The following FAM120B variants were observed in gnomAD, a reference collection of about 807,000 sequenced individuals.
FAM120B encodes family with sequence similarity 120 member B.
A neutral mutation model predicts 96.3 loss-of-function variants in FAM120B; 83 were observed. The observed-to-expected ratio is 0.86, with a 90% CI of 0.72 to 1.03. The LOEUF (loss-of-function observed/expected upper bound fraction) is 1.03, where lower values mean the gene tolerates loss of function less well. Among genes scored for constraint, FAM120B ranks in the 50% least tolerant of loss-of-function variants. The pLI is 0.00. For missense variants in FAM120B, 1,027 were observed against 1,121.2 expected (o/e 0.92, Z 1.20); for synonymous variants, 407 against 402.7 (o/e 1.01, Z -0.13).
intron 9 of FAM120B, among the ~76,000 whole-genome samples, chr6:170,399,707 A>G (rs1374136935): frequency 6.7e-6 from 1 of 148,276 alleles, no homozygotes. Flanking sequence ...AACTCTTAGA[A>G]GTGAGTGGGA....
In FAM120B at chr6:170,318,071, C is replaced by A. The variant is rs750271468; in HGVS notation, c.681C>A (p.Cys227Ter). Residue 227 changes from cysteine to a stop codon, truncating the protein, a stop_gained, in exon 2 of 11, where the codon TGC becomes TGA. Transcript: ENST00000476287. LOFTEE classifies it high-confidence loss of function. ...LCVADLPLLA[C>*]LLGNDIIPEG... is the part of the protein sequence containing the mutation. ...TGGCCGACCTTCCTCTTCTGGCCTG[C>A]CTCCTTGGCAACGACATAATCCCAG... 6.2e-7 allele frequency: 1 copy of A among 1,614,196 alleles called. No homozygotes were observed. The highest frequency in any genetic ancestry group is 8.5e-7 in the Non-Finnish European group (1 of 1,180,038).
At chr6:170,348,381 G>C (rs113144147) in intron 5 of FAM120B, 58 bp downstream of exon 5, 2 of 1,505,676 alleles carry the variant, frequency 1.3e-6, no homozygotes, top group African/African-American at 2.8e-5. Flanking sequence ...ATGAGAGGGA[G>C]CATGTGGGAT....
At chr6:170,404,025 G>A (rs1035334737) in intron 9 of FAM120B, among the ~76,000 whole-genome samples, 1 of 152,174 alleles carries the variant, frequency 6.6e-6, no homozygotes, top group Non-Finnish European at 1.5e-5. Flanking sequence ...ACTCAGAGCA[G>A]GGAACTCTGG....
chr6:170,362,138 C>T (rs1256695587), intron 6 of FAM120B, among the ~76,000 whole-genome samples: 1 of 152,158 alleles, frequency 6.6e-6, no homozygotes, highest in Non-Finnish European at 1.5e-5. Flanking sequence ...AAGCAATAGG[C>T]TGAATTATAT....
upstream of FAM120B, among the ~76,000 whole-genome samples, chr6:170,294,812 G>C (rs1384628015): frequency 6.6e-6 from 1 of 152,190 alleles, no homozygotes; most frequent in East Asian, 1.9e-4. The surrounding 1 kb of genome is among the most constrained non-coding windows in gnomAD (Gnocchi z 7.9). Context: ...CAAGTCTGGA[G>C]ACTTGAGTGG....
At chr6:170,403,784 A>G (rs947259208) in intron 9 of FAM120B, among the ~76,000 whole-genome samples, 2 of 152,246 alleles carry the variant, frequency 1.3e-5, no homozygotes, top group Admixed American at 6.5e-5. Flanking sequence ...GAGGCCTGCC[A>G]TAAAACTGCT....
rs564219172 is a variant in FAM120B at position 170,405,731 on chromosome 6, C to T, written c.*980C>T. ...TTTCTGGTGGAAGAGTTAATTCTGCCTGGAGGGTTCTGCCTGGGAGACATG... is the reference window on the plus strand; with the variant it reads ...TTTCTGGTGGAAGAGTTAATTCTGCTTGGAGGGTTCTGCCTGGGAGACATG... On this transcript the variant is annotated 3_prime_UTR_variant, in exon 11 of 11. Transcript: ENST00000476287. 2 of 152,284 alleles carry T rather than the reference C, an allele frequency of 1.3e-5. No individual in the cohort carries two copies. Among genetic ancestry groups the T allele is most frequent in the South Asian group, 2.1e-4 (1 of 4,826 alleles). 9.4% of individuals were successfully genotyped at this position (152,284 alleles called of 1,614,324 possible).
chr6:170,332,479 C>T (rs1261479004), intron 4 of FAM120B, among the ~76,000 whole-genome samples: 2 of 152,190 alleles, frequency 1.3e-5, no homozygotes, highest in African/African-American at 2.4e-5. Flanking sequence ...AGATGGGTCA[C>T]CTGAGATCAG....
intron 6 of FAM120B, among the ~76,000 whole-genome samples, chr6:170,380,817 T>C (rs1474319509): frequency 6.6e-6 from 1 of 152,210 alleles, no homozygotes; most frequent in East Asian, 1.9e-4. Flanking sequence ...TTTACTTCAT[T>C]GGTCACTTTG....
rs528313814 is a variant in FAM120B at position 170,369,724 on chromosome 6, G to A, written c.2283+11406G>A. 3.5e-5 allele frequency among the ~76,000 whole-genome samples: 5 copies of A among 143,592 alleles called. No individual in the cohort carries two copies. In the South Asian group the frequency reaches 6.7e-4, roughly 19 times the overall value. The allele number at this position is 143,592 out of a possible 152,430, so 94.2% of individuals were successfully genotyped here. A position where few individuals can be genotyped will look rare whatever the true frequency, so the allele number is the denominator to read the frequency against. On this transcript the variant is annotated intron_variant, in intron 6 of 10. Transcript: ENST00000476287. ...TTTTTTTTTTCCTGCTCCCATACCT[G>A]ACTCCTAGATAGGAGGTTTCTCTTG...
At position 170,348,237 on chromosome 6, in the gene FAM120B, A is replaced by G; in HGVS notation, c.2104A>G (p.Asn702Asp). 1 of 1,614,088 alleles carries G rather than the reference A, an allele frequency of 6.2e-7. No homozygotes were observed. Among genetic ancestry groups the G allele is most frequent in the Non-Finnish European group, 8.5e-7 (1 of 1,179,990 alleles). Reference protein sequence around the residue: ...RRLDTLLACFNLSSSREELQA... With the variant: ...RRLDTLLACFDLSSSREELQA... The stretch of plus-strand genomic sequence containing the variant: ...CTTGGACACACTCCTAGCCTGTTTC[A>G]ATCTTTCCTCCTCAAGAGAAGAGCT... The change falls in exon 5 of 11, where the codon AAT (asparagine) becomes GAT (aspartate). Residue 702 changes from asparagine to aspartate, a missense_variant. Coordinates refer to ENST00000476287, the MANE Select transcript of FAM120B (RefSeq NM_032448.3).
chr6:170,394,505 GGCCAC>G (rs1790624464), intron 8 of FAM120B, among the ~76,000 whole-genome samples: 4 of 142,628 alleles, frequency 2.8e-5, no homozygotes, highest in African/African-American at 7.8e-5. Flanking sequence ...GCCAGCACAA[GGCCAC>G]GCCTCCGTGG....
At chr6:170,320,556 C>T (rs571214922) in intron 2 of FAM120B, among the ~76,000 whole-genome samples, 29 of 152,100 alleles carry the variant, frequency 1.9e-4, no homozygotes, top group Admixed American at 1.1e-3. Context: ...CCTTGAGTAC[C>T]GGCGATGGTA....
Position 170,395,515 on chromosome 6 carries a change from C to A in FAM120B, c.2628C>A (p.Tyr876Ter). The A allele has an allele frequency of 6.3e-7, 1 of 1,599,602 alleles. No homozygotes were observed. Among genetic ancestry groups the A allele is most frequent in the Non-Finnish European group, 8.5e-7 (1 of 1,173,190 alleles). ...GGTGGGGAAGACAGGGCTCCAGCTACCACAGGACGGGCTCTGGGTATAGCC... is the reference window on the plus strand; with the variant it reads ...GGTGGGGAAGACAGGGCTCCAGCTAACACAGGACGGGCTCTGGGTATAGCC... The part of the protein sequence containing the change: ...AGRWGRQGSS[Y>*]HRTGSGYSRS... Residue 876 changes from tyrosine (Y) to a stop codon, truncating the protein, a stop_gained, in exon 9 of 11, where the codon TAC becomes TAA. Transcript: ENST00000476287. LOFTEE classifies it high-confidence loss of function.
rs773893524 is a variant in FAM120B, at chr6:170,318,570, G to A, written c.1180G>A (p.Gly394Ser). ...CAGGCAAGAAGTTCCCACGTGTACA[G>A]GCCCTGAATCCAGGCGAGAAGTTCC... Reference protein sequence around the residue: ...EPRQEVPTCTGPESRREVPMC... With the variant: ...EPRQEVPTCTSPESRREVPMC... The change falls in exon 2 of 11, where the codon GGC becomes AGC. Residue 394 changes from glycine to serine, a missense_variant. Around this residue, in one of 3 missense-constraint regions of FAM120B, gnomAD observed 880 missense variants for 980.9 expected, o/e 0.90. Transcript: ENST00000476287. 1 of 1,487,228 alleles carries A rather than the reference G, an allele frequency of 6.7e-7. No homozygotes were observed. Among genetic ancestry groups the A allele is most frequent in the East Asian group, 2.5e-5 (1 of 39,712 alleles). 92.1% of individuals were successfully genotyped at this position (1,487,228 alleles called of 1,614,324 possible). A position where few individuals can be genotyped will look rare whatever the true frequency, so the allele number is the denominator to read the frequency against.
chr6:170,378,921 A>G (rs574357020), intron 6 of FAM120B, among the ~76,000 whole-genome samples: 1 of 152,340 alleles, frequency 6.6e-6, no homozygotes, highest in African/African-American at 2.4e-5. Context: ...TGCTAAGTAG[A>G]TGGCCAGTGC....
At chr6:170,337,928 T>C (rs1786548941) in intron 4 of FAM120B, among the ~76,000 whole-genome samples, 1 of 152,154 alleles carries the variant, frequency 6.6e-6, no homozygotes, top group African/African-American at 2.4e-5. Flanking sequence ...GTTTTCTTAT[T>C]AGTCTGACTA....
At chr6:170,361,214 A>ACGTG (rs1317698646) in intron 6 of FAM120B, among the ~76,000 whole-genome samples, 1,210 of 100,042 alleles carry the variant, frequency 0.012, 86 homozygotes, top group East Asian at 0.063. Flanking sequence ...ATATATATAT[A>ACGTG]TATATATATA....
At chr6:170,296,785 G>C (rs571130056) in intron 1 of FAM120B, among the ~76,000 whole-genome samples, 2 of 152,204 alleles carry the variant, frequency 1.3e-5, no homozygotes, top group South Asian at 2.1e-4. Context: ...CAGGCCCCTC[G>C]GTACGGGCCC....
Sources: allele counts gnomAD v4.1 joint callset (sites outside exome capture counted in the v4.1 genomes callset), GRCh38; gene constraint gnomAD v4.1.1; regional missense constraint gnomAD v4.1.1; non-coding constraint Gnocchi (gnomAD v3.1); transcripts MANE v1.5; gene names NCBI Gene and HGNC (gene_info 2026-07-23, HGNC 2026-07-21).